The following PALM2AKAP2 variants were observed in gnomAD, a reference collection of about 807,000 sequenced individuals.
PALM2AKAP2 encodes the protein PALM2 and AKAP2 fusion, also known as PALM2-AKAP2 fusion protein.
In PALM2AKAP2, 37 loss-of-function variants were observed where a neutral mutation model predicts 71.5. The ratio of observed to expected loss-of-function variants is 0.52; its 90% confidence interval spans 0.40 to 0.68. PALM2AKAP2 has a LOEUF of 0.68. Among genes scored for constraint, PALM2AKAP2 ranks in the 30% least tolerant of loss-of-function variants. PALM2AKAP2 has a pLI of 0.00. For synonymous variants in PALM2AKAP2, 468 were observed against 478.8 expected, an observed-to-expected ratio of 0.98 and a Z score of 0.29; for missense variants, 1,224 against 1,191.8, an observed-to-expected ratio of 1.03 and a Z score of -0.40.
At chr9:109,733,665 C>T (rs76027697) in intron 1 of PALM2AKAP2, among the ~76,000 whole-genome samples, 1,840 of 152,278 alleles carry the variant, frequency 0.012, 46 homozygotes, top group African/African-American at 0.042. Flanking sequence ...TTTTATCTCC[C>T]AGACAAGGGA....
intron 1 of PALM2AKAP2, among the ~76,000 whole-genome samples, chr9:109,701,732 A>C (rs1459513023): frequency 2.0e-5 from 3 of 150,878 alleles, no homozygotes; most frequent in African/African-American, 4.9e-5. Flanking sequence ...ACAAAAGCCA[A>C]AATTGACAAA....
At chr9:109,698,310 T>G (rs375004713) in intron 1 of PALM2AKAP2, among the ~76,000 whole-genome samples, 1 of 143,452 alleles carries the variant, frequency 7.0e-6, no homozygotes, top group East Asian at 2.0e-4. Context: ...GGAGTTTCGC[T>G]TTTGTCACCC....
At chr9:109,917,257 G>T (rs539640000) in intron 3 of PALM2AKAP2, among the ~76,000 whole-genome samples, 1 of 152,200 alleles carries the variant, frequency 6.6e-6, no homozygotes, top group African/African-American at 2.4e-5. Flanking sequence ...AGAGCCTGCA[G>T]AAGGGAACAC....
chr9:110,121,142 C>A (rs1835477831), intron 1 of PALM2AKAP2, among the ~76,000 whole-genome samples: 1 of 152,140 alleles, frequency 6.6e-6, no homozygotes, highest in African/African-American at 2.4e-5. Flanking sequence ...TCATCATTTT[C>A]CCCTTAATAA....
At chr9:109,974,907 A>G (rs771598695) in intron 6 of PALM2AKAP2, among the ~76,000 whole-genome samples, 1 of 152,232 alleles carries the variant, frequency 6.6e-6, no homozygotes, top group Non-Finnish European at 1.5e-5. Context: ...AGGTGAGCAC[A>G]TATGTCCCAT....
At chr9:109,835,956 G>C (rs1222723874) in intron 1 of PALM2AKAP2, among the ~76,000 whole-genome samples, 2 of 152,246 alleles carry the variant, frequency 1.3e-5, no homozygotes, top group East Asian at 3.8e-4. Flanking sequence ...TCTGGGGGCA[G>C]GGCATAGCTG....
intron 1 of PALM2AKAP2, among the ~76,000 whole-genome samples, chr9:109,809,809 T>C (rs1418696474): frequency 6.6e-6 from 1 of 152,270 alleles, no homozygotes; most frequent in Non-Finnish European, 1.5e-5. Context: ...ACAGGGGTGG[T>C]TACCCCATGT....
chr9:109,843,301 C>CAAAA (rs35634219), intron 1 of PALM2AKAP2, among the ~76,000 whole-genome samples: 147 of 66,620 alleles, frequency 2.2e-3, no homozygotes, highest in Middle Eastern at 8.5e-3. Flanking sequence ...GCCCCTGTCT[C>CAAAA]AAAAAAAAAA....
In PALM2AKAP2 at chr9:109,790,965, G is replaced by T. The variant is rs566897085; in HGVS notation, c.45+10432G>T. Among the ~76,000 whole-genome samples, 3 of 152,318 alleles carry T rather than the reference G, an allele frequency of 2.0e-5. No homozygotes were observed. The East Asian group carries it at 5.8e-4, about 29-fold the overall frequency. The stretch of plus-strand genomic sequence containing the variant: ...TTCCAGGTGGTATGCAGGCAGTCTT[G>T]TTCATGAACATTGATGTCTGAGCAT... On this transcript the variant is annotated intron_variant, in intron 1 of 9. Coordinates refer to the PALM2AKAP2 transcript ENST00000302798.
chr9:109,985,551 T>C (rs1361704505), intron 6 of PALM2AKAP2, among the ~76,000 whole-genome samples: 1 of 141,506 alleles, frequency 7.1e-6, no homozygotes, highest in Non-Finnish European at 1.5e-5. Flanking sequence ...ACCTGGGGGG[T>C]GGAGCTTGCA....
intron 1 of PALM2AKAP2, among the ~76,000 whole-genome samples, chr9:109,844,507 A>T (rs78777776): frequency 0.027 from 4,092 of 152,328 alleles, 191 homozygotes; most frequent in African/African-American, 0.093. Flanking sequence ...TGACAAATGC[A>T]TCCTGGTTAT....
At chr9:109,994,751 C>A (rs1832544069) in intron 6 of PALM2AKAP2, among the ~76,000 whole-genome samples, 1 of 152,094 alleles carries the variant, frequency 6.6e-6, no homozygotes, top group Non-Finnish European at 1.5e-5. Context: ...GTGAGTTGTC[C>A]CCCAACACTC....
At chr9:109,931,220 A>G (rs36003620) in intron 5 of PALM2AKAP2, among the ~76,000 whole-genome samples, 23,426 of 152,128 alleles carry the variant, frequency 0.15, 2,008 homozygotes, top group African/African-American at 0.22. Flanking sequence ...TCACCTCCCT[A>G]AAGAGGCTTG....
chr9:109,725,023 C>A (rs1828455974), intron 1 of PALM2AKAP2, among the ~76,000 whole-genome samples: 1 of 151,984 alleles, frequency 6.6e-6, no homozygotes, highest in Admixed American at 6.6e-5. Flanking sequence ...TCATTATGAA[C>A]AAGACAATTT....
chr9:109,691,773 G>A (rs560472600), intron 1 of PALM2AKAP2, among the ~76,000 whole-genome samples: 68 of 144,942 alleles, frequency 4.7e-4, no homozygotes, highest in African/African-American at 1.7e-3. Context: ...CCCATAGCGG[G>A]AAGTGGCATT....
chr9:110,022,893 A>C (rs1337713521), intron 7 of PALM2AKAP2, among the ~76,000 whole-genome samples: 2 of 152,120 alleles, frequency 1.3e-5, no homozygotes, highest in Non-Finnish European at 2.9e-5. Context: ...CCATGTCCCT[A>C]CAAAGGACAT....
At chr9:110,096,426 A>AATTTATTTATTT (rs71373967) in intron 1 of PALM2AKAP2, among the ~76,000 whole-genome samples, 46 of 149,500 alleles carry the variant, frequency 3.1e-4, no homozygotes, top group African/African-American at 4.3e-4. Context: ...ATTATGCCTG[A>AATTTATTTATTT]ATTTATTTAT....
chr9:110,051,653 G>T (rs555725733), intron 1 of PALM2AKAP2, among the ~76,000 whole-genome samples: 1 of 152,174 alleles, frequency 6.6e-6, no homozygotes, highest in Admixed American at 6.5e-5. Flanking sequence ...ATGCTAAAAA[G>T]TTACTTCTGA....
At chr9:110,084,305 A>T (rs1834511413) in intron 1 of PALM2AKAP2, among the ~76,000 whole-genome samples, 1 of 152,234 alleles carries the variant, frequency 6.6e-6, no homozygotes, top group Admixed American at 6.5e-5. Context: ...GATCTTCAAA[A>T]GTTTCCATAT....
Sources: allele counts gnomAD v4.1 joint callset (sites outside exome capture counted in the v4.1 genomes callset), GRCh38; gene constraint gnomAD v4.1.1; transcripts MANE v1.5; gene names NCBI Gene and HGNC (gene_info 2026-07-23, HGNC 2026-07-21).